The following MBNL1 variants were observed in gnomAD, a reference collection of about 807,000 sequenced individuals.
MBNL1 encodes muscleblind like splicing regulator 1, also known as muscleblind-like protein 1.
MBNL1 carries 8 observed loss-of-function variants against 42.2 expected under a neutral mutation model. The observed-to-expected ratio is 0.19, with a 90% CI of 0.11 to 0.34. The LOEUF is 0.34. Ranked by LOEUF, MBNL1 falls within the 10% of genes least tolerant of loss-of-function variation. MBNL1 has a pLI of 1.00. For synonymous variants in MBNL1, 169 were observed against 173.9 expected (o/e 0.97, Z 0.22); for missense variants, 309 against 495.3 (o/e 0.62, Z 3.57).
At chr3:152,260,056 A>G (rs1263994347) in intron 2 of MBNL1, among the ~76,000 whole-genome samples, 1 of 152,160 alleles carries the variant, frequency 6.6e-6, no homozygotes, top group Non-Finnish European at 1.5e-5. Flanking sequence ...CTTACCATGT[A>G]GCCTCAGACT....
At chr3:152,289,274 A>T (rs186906183) in intron 1 of MBNL1, among the ~76,000 whole-genome samples, 1 of 152,168 alleles carries the variant, frequency 6.6e-6, no homozygotes, top group Non-Finnish European at 1.5e-5. Flanking sequence ...GGAGTAATAT[A>T]TAATTGTTAA....
chr3:152,264,181 A>G (rs538959815), upstream of MBNL1: 3 of 152,206 alleles, frequency 2.0e-5, no homozygotes, highest in South Asian at 4.2e-4. Flanking sequence ...GTCTCCCCCT[A>G]GTAGAATGCA....
intron 2 of MBNL1, among the ~76,000 whole-genome samples, chr3:152,412,679 T>C (rs1423932726): frequency 6.6e-6 from 1 of 152,196 alleles, no homozygotes; most frequent in African/African-American, 2.4e-5. Context: ...ACGTGATTTC[T>C]CTCTGTTATT....
chr3:152,346,750 A>G (rs1011589233), intron 2 of MBNL1, among the ~76,000 whole-genome samples: 1 of 152,078 alleles, frequency 6.6e-6, no homozygotes, highest in African/African-American at 2.4e-5. Flanking sequence ...ACACTAAAAT[A>G]GTGAGGGTTT....
At chr3:152,302,508 A>G (rs1362160189) in intron 2 of MBNL1, 1 of 152,190 alleles carries the variant, frequency 6.6e-6, no homozygotes, top group Non-Finnish European at 1.5e-5. Context: ...GTGTGTGTAT[A>G]TATTTATAAC....
chr3:152,325,793 C>CTT (rs35001363), intron 2 of MBNL1, among the ~76,000 whole-genome samples: 1,505 of 143,532 alleles, frequency 0.01, 22 homozygotes, highest in African/African-American at 0.035. Context: ...TGAACTCATT[C>CTT]TTTTTTTTTT....
intron 6 of MBNL1, 26 bp downstream of exon 6, chr3:152,447,799 T>A (rs775413471): frequency 6.2e-7 from 1 of 1,606,522 alleles, no homozygotes; most frequent in Admixed American, 1.7e-5. Context: ...TCTTAATAAA[T>A]GAATCTGATG....
intron 1 of MBNL1, among the ~76,000 whole-genome samples, chr3:152,280,141 A>G (rs1171836992): frequency 6.6e-6 from 1 of 152,152 alleles, no homozygotes; most frequent in African/African-American, 2.4e-5. Flanking sequence ...GTATCATGCT[A>G]TACCCTTTGG....
chr3:152,391,762 G>T (rs1020242499), intron 2 of MBNL1, among the ~76,000 whole-genome samples: 1 of 152,136 alleles, frequency 6.6e-6, no homozygotes, highest in African/African-American at 2.4e-5. Flanking sequence ...GAGGTGAAAA[G>T]GCAACTTTGA....
chr3:152,269,443 G>T (rs923319342), intron 1 of MBNL1: 9 of 442,944 alleles, frequency 2.0e-5, no homozygotes, highest in Non-Finnish European at 3.6e-5. Context: ...AATGACCTTT[G>T]TCGGGGGAAG....
At chr3:152,356,195 C>T (rs2153056647) in intron 2 of MBNL1, among the ~76,000 whole-genome samples, 1 of 151,590 alleles carries the variant, frequency 6.6e-6, no homozygotes, top group South Asian at 2.1e-4. Flanking sequence ...TTAATAGTCT[C>T]AAACTAAGAT....
intron 9 of MBNL1, among the ~76,000 whole-genome samples, chr3:152,460,522 C>T (rs983867363): frequency 2.0e-5 from 3 of 149,428 alleles, no homozygotes; most frequent in Non-Finnish European, 3.0e-5. Context: ...CTAGATGACA[C>T]GTTAGTGGGT....
intron 2 of MBNL1, among the ~76,000 whole-genome samples, chr3:152,303,457 A>T (rs1480480979): frequency 6.6e-6 from 1 of 152,200 alleles, no homozygotes; most frequent in Non-Finnish European, 1.5e-5. Flanking sequence ...TAGGTGTATT[A>T]GCTATTTCAG....
chr3:152,433,606 C>T (rs896738601), intron 4 of MBNL1, among the ~76,000 whole-genome samples: 5 of 151,956 alleles, frequency 3.3e-5, no homozygotes, highest in East Asian at 1.9e-4. Flanking sequence ...AAAAATTAGT[C>T]GGGCGTGGTA....
intron 2 of MBNL1, among the ~76,000 whole-genome samples, chr3:152,372,175 A>G (rs112344271): frequency 1.0e-3 from 154 of 152,052 alleles, no homozygotes; most frequent in African/African-American, 3.6e-3. Context: ...TTTTCTCTAG[A>G]CTGGTTATTC....
At chr3:152,282,839 A>G (rs2049286693) in intron 1 of MBNL1, among the ~76,000 whole-genome samples, 1 of 152,222 alleles carries the variant, frequency 6.6e-6, no homozygotes, top group South Asian at 2.1e-4. Context: ...TTACAATTAA[A>G]CAAGAGAAAT....
intron 2 of MBNL1, among the ~76,000 whole-genome samples, chr3:152,412,369 G>A (rs2098601564): frequency 6.6e-6 from 1 of 152,064 alleles, no homozygotes; most frequent in South Asian, 2.1e-4. Context: ...TGGAATGCTT[G>A]TTAAAATGTT....
At chr3:152,457,397 G>A (rs760370248) in intron 8 of MBNL1, among the ~76,000 whole-genome samples, 3 of 152,182 alleles carry the variant, frequency 2.0e-5, no homozygotes, top group Non-Finnish European at 4.4e-5. Flanking sequence ...CCTTGGGAAG[G>A]GAAGACCAAT....
intron 2 of MBNL1, among the ~76,000 whole-genome samples, chr3:152,315,063 A>T (rs1384723593): frequency 1.3e-5 from 2 of 152,238 alleles, no homozygotes; most frequent in Non-Finnish European, 2.9e-5. Context: ...GAAGGATCAA[A>T]TATCTGTTCA....
Sources: allele counts gnomAD v4.1 joint callset (sites outside exome capture counted in the v4.1 genomes callset), GRCh38; gene constraint gnomAD v4.1.1; transcripts MANE v1.5; gene names NCBI Gene and HGNC (gene_info 2026-07-23, HGNC 2026-07-21).